PTPRR: variants seen among roughly 807,000 people sequenced by gnomAD.
The protein encoded by PTPRR is receptor-type tyrosine-protein phosphatase R.
A neutral mutation model predicts 77.2 loss-of-function variants in PTPRR; 38 were observed. The ratio of observed to expected loss-of-function variants is 0.49; its 90% CI spans 0.38 to 0.65. The LOEUF is 0.65. PTPRR is among the 30% of genes least tolerant of loss of function. The pLI, the probability that PTPRR is intolerant of heterozygous loss-of-function variation, is 0.00. For missense variants in PTPRR, 744 were observed against 799.2 expected (o/e 0.93, Z 0.83); for synonymous variants, 299 against 283.1 (o/e 1.06, Z -0.57).
At chr12:70,659,644 T>G (rs562899008) in intron 12 of PTPRR, among the ~76,000 whole-genome samples, 8 of 152,292 alleles carry the variant, frequency 5.3e-5, no homozygotes, top group African/African-American at 1.9e-4. Context: ...GTTAGGCTGT[T>G]TTTTTGTTTT....
intron 2 of PTPRR, among the ~76,000 whole-genome samples, chr12:70,866,310 G>A (rs1176274436): frequency 6.6e-6 from 1 of 152,094 alleles, no homozygotes; most frequent in Non-Finnish European, 1.5e-5. Context: ...AGAAAAGAGA[G>A]AAGAATCAAA....
chr12:70,817,775 TAC>T (rs1424632964), intron 2 of PTPRR, among the ~76,000 whole-genome samples: 1 of 152,214 alleles, frequency 6.6e-6, no homozygotes, highest in Non-Finnish European at 1.5e-5. Context: ...ATACATTTGA[TAC>T]AGACCCACAA....
chr12:70,876,302 T>C (rs1308491909), intron 2 of PTPRR, among the ~76,000 whole-genome samples: 1 of 152,108 alleles, frequency 6.6e-6, no homozygotes, highest in African/African-American at 2.4e-5. Context: ...CATGTTCCTC[T>C]TTCTCCAAAG....
intron 5 of PTPRR, among the ~76,000 whole-genome samples, chr12:70,752,904 C>T (rs1890448114): frequency 1.3e-5 from 2 of 152,150 alleles, no homozygotes; most frequent in Admixed American, 1.3e-4. Flanking sequence ...GCCATAATTT[C>T]CCAAAACCTC....
At chr12:70,709,193 C>G (rs1298980408) in intron 6 of PTPRR, among the ~76,000 whole-genome samples, 7 of 152,072 alleles carry the variant, frequency 4.6e-5, no homozygotes, top group African/African-American at 1.4e-4. Flanking sequence ...AAATGTAATT[C>G]ATCACATAAG....
rs147665396 is a variant in PTPRR at position 70,792,987 on chromosome 12, T to C, written c.358-28209A>G. On this transcript the variant is annotated intron_variant, in intron 2 of 13. Coordinates refer to ENST00000283228, the MANE Select transcript of PTPRR (RefSeq NM_002849.4). ...AATAGTGAAATCATTAATGATCTAC[T>C]AAAAGTTTATTGAGACAATGTACCA... Among the ~76,000 whole-genome samples the C allele has an allele frequency of 1.2e-4, 19 of 152,302 alleles. No homozygotes were observed. The East Asian group carries it at 2.3e-3, about 19-fold the overall frequency.
chr12:70,808,613 C>A (rs1389300483), intron 2 of PTPRR, among the ~76,000 whole-genome samples: 2 of 152,084 alleles, frequency 1.3e-5, no homozygotes, highest in Non-Finnish European at 2.9e-5. Context: ...GGCAGTTTCC[C>A]CTGATACTAC....
intron 2 of PTPRR, among the ~76,000 whole-genome samples, chr12:70,844,853 C>A: frequency 6.6e-6 from 1 of 151,702 alleles, no homozygotes. Context: ...ATGAAAATAC[C>A]AATATAGTAT....
intron 2 of PTPRR, among the ~76,000 whole-genome samples, chr12:70,886,402 A>C (rs1397817397): frequency 6.6e-6 from 1 of 152,218 alleles, no homozygotes; most frequent in Non-Finnish European, 1.5e-5. Context: ...GTTCAACCAA[A>C]CTTCTGGAGT....
At chr12:70,693,020 AG>A (rs1888107053) in intron 8 of PTPRR, among the ~76,000 whole-genome samples, 1 of 152,140 alleles carries the variant, frequency 6.6e-6, no homozygotes, top group African/African-American at 2.4e-5. Context: ...TTGACTTTCT[AG>A]ATATTTTTTT....
chr12:70,756,641 T>C (rs1565684414), intron 4 of PTPRR, among the ~76,000 whole-genome samples: 1 of 152,196 alleles, frequency 6.6e-6, no homozygotes, highest in Non-Finnish European at 1.5e-5. Flanking sequence ...TTTAACTTAG[T>C]TGCAGTGAAA....
chr12:70,728,202 ATT>A (rs113954383), intron 6 of PTPRR, among the ~76,000 whole-genome samples: 13,164 of 127,582 alleles, frequency 0.1, 702 homozygotes, highest in African/African-American at 0.13. Context: ...CAGATTTTGG[ATT>A]TTTTTTTTTT....
intron 2 of PTPRR, among the ~76,000 whole-genome samples, chr12:70,782,220 G>A (rs1891217220): frequency 6.6e-6 from 1 of 152,010 alleles, no homozygotes; most frequent in Non-Finnish European, 1.5e-5. Context: ...CAAAATAAAT[G>A]TGTTTGTGTG....
At chr12:70,891,500 A>G (rs954868464) in intron 2 of PTPRR, among the ~76,000 whole-genome samples, 1 of 152,272 alleles carries the variant, frequency 6.6e-6, no homozygotes, top group Admixed American at 6.5e-5. Context: ...TTGTTCAAGT[A>G]TTTCAGGATG....
intron 3 of PTPRR, among the ~76,000 whole-genome samples, chr12:70,763,903 T>C (rs1890750943): frequency 1.3e-5 from 2 of 152,116 alleles, no homozygotes; most frequent in Non-Finnish European, 2.9e-5. Flanking sequence ...TGTAGTTGCA[T>C]GAAATCCAGG....
chr12:70,831,305 A>G (rs1892207933), intron 2 of PTPRR, among the ~76,000 whole-genome samples: 1 of 152,162 alleles, frequency 6.6e-6, no homozygotes, highest in Admixed American at 6.5e-5. Context: ...AAATCACTTC[A>G]TTGGCAATTT....
rs577686477 is a variant in PTPRR at position 70,744,974 on chromosome 12, A to G, written c.1007+844T>C. ...ATTTTGCAAATCCAAGTTTTCTTAC[A>G]TTGGATTTGCGTTTAATGGAAATGT... On this transcript the variant is annotated intron_variant, in intron 6 of 13. Coordinates refer to ENST00000283228, the MANE Select transcript of PTPRR (RefSeq NM_002849.4). 7.9e-5 allele frequency among the ~76,000 whole-genome samples: 12 copies of G among 152,336 alleles called. No individual in the cohort carries two copies. The South Asian group carries it at 2.5e-3, about 32-fold the overall frequency.
chr12:70,671,397 A>T (rs539161653), intron 10 of PTPRR, among the ~76,000 whole-genome samples: 8 of 152,338 alleles, frequency 5.3e-5, no homozygotes, highest in African/African-American at 1.9e-4. Context: ...AGCAGATTAC[A>T]CATAAAAGAC....
At chr12:70,709,208 A>C (rs1385457923) in intron 6 of PTPRR, among the ~76,000 whole-genome samples, 5 of 152,178 alleles carry the variant, frequency 3.3e-5, no homozygotes, top group Non-Finnish European at 7.4e-5. Flanking sequence ...CATAAGCAGA[A>C]CTAAAGACAA....
Sources: allele counts gnomAD v4.1 joint callset (sites outside exome capture counted in the v4.1 genomes callset), GRCh38; gene constraint gnomAD v4.1.1; transcripts MANE v1.5; gene names NCBI Gene and HGNC (gene_info 2026-07-23, HGNC 2026-07-21).